Variants in SPOCK1 observed in about 807,000 individuals in gnomAD.
The protein encoded by SPOCK1 is SPARC (osteonectin), cwcv and kazal like domains proteoglycan 1.
Under a neutral mutation model 55.3 loss-of-function variants are expected in SPOCK1, and 23 were observed. The observed-to-expected ratio is 0.42, with a 90% CI of 0.30 to 0.59. The LOEUF is 0.59. Ranked by LOEUF, SPOCK1 falls within the 20% of genes least tolerant of loss-of-function variation. The pLI is 0.22. For missense variants in SPOCK1, 499 were observed against 552.5 expected (o/e 0.90, Z 0.97); for synonymous variants, 226 against 221.0 (o/e 1.02, Z -0.20).
At chr5:137,343,090 T>C (rs1174564967) in intron 2 of SPOCK1, among the ~76,000 whole-genome samples, 2 of 152,222 alleles carry the variant, frequency 1.3e-5, no homozygotes, top group Non-Finnish European at 2.9e-5. Context: ...GCAGAAGGCC[T>C]TCAATCAAGT....
chr5:137,457,255 G>A (rs1332174675), intron 2 of SPOCK1, among the ~76,000 whole-genome samples: 1 of 152,186 alleles, frequency 6.6e-6, no homozygotes, highest in Non-Finnish European at 1.5e-5. Flanking sequence ...AGACACGAAT[G>A]GGTTGGATCA....
At chr5:137,013,193 A>G (rs1751386136) in intron 6 of SPOCK1, among the ~76,000 whole-genome samples, 2 of 152,126 alleles carry the variant, frequency 1.3e-5, no homozygotes, top group African/African-American at 2.4e-5. Context: ...TTAACATTGT[A>G]TCCATCATTT....
intron 5 of SPOCK1, among the ~76,000 whole-genome samples, chr5:137,100,405 C>A (rs1753239160): frequency 6.6e-6 from 1 of 152,172 alleles, no homozygotes; most frequent in Non-Finnish European, 1.5e-5. Context: ...GGTGGCTGGA[C>A]TAGATAGCTT....
rs138328964 is a variant in SPOCK1, at chr5:137,171,628, G to GA, written c.233-30935dup. On this transcript the variant is annotated intron_variant, in intron 3 of 10. Transcript: ENST00000394945. The stretch of plus-strand genomic sequence containing the variant: ...ATTCTCAGACCCAAGTAGTTGTTGG[G>GA]AAAAAAAATTACAAATGACCAAAAG... Among the ~76,000 whole-genome samples the GA allele has an allele frequency of 5.8e-4, 88 of 151,816 alleles. No homozygotes were observed. In the East Asian group the frequency reaches 0.014, roughly 24 times the overall value.
intron 3 of SPOCK1, among the ~76,000 whole-genome samples, chr5:137,190,089 G>C (rs899672554): frequency 6.6e-6 from 1 of 151,950 alleles, no homozygotes; most frequent in African/African-American, 2.4e-5. Flanking sequence ...TATTGAGATG[G>C]AATCTACTGC....
chr5:137,245,756 A>AAAAAC (rs1329664473), intron 3 of SPOCK1, among the ~76,000 whole-genome samples: 3 of 109,768 alleles, frequency 2.7e-5, no homozygotes, highest in Non-Finnish European at 6.3e-5. Flanking sequence ...CATTTGTTAA[A>AAAAAC]AAAACAAAAC....
At chr5:137,120,019 C>T (rs918476113) in intron 4 of SPOCK1, among the ~76,000 whole-genome samples, 3 of 152,128 alleles carry the variant, frequency 2.0e-5, no homozygotes, top group Non-Finnish European at 4.4e-5. Flanking sequence ...GGAAAGCAGA[C>T]GTGGGGCAAT....
chr5:136,997,486 G>A (rs1751066823), intron 6 of SPOCK1, among the ~76,000 whole-genome samples: 3 of 152,086 alleles, frequency 2.0e-5, no homozygotes, highest in African/African-American at 4.8e-5. Context: ...TCCTGTTTGA[G>A]ACACTTCAGA....
intron 2 of SPOCK1, among the ~76,000 whole-genome samples, chr5:137,480,057 C>G (rs1434579547): frequency 6.6e-6 from 1 of 152,138 alleles, no homozygotes; most frequent in Non-Finnish European, 1.5e-5. Context: ...AACCCCAAAT[C>G]TGATGTAAGA....
intron 3 of SPOCK1, among the ~76,000 whole-genome samples, chr5:137,160,550 ATATATAT>A (rs1184916347): frequency 0.024 from 907 of 37,756 alleles, 30 homozygotes; most frequent in African/African-American, 0.099. Flanking sequence ...AATATATATA[ATATATAT>A]TATATATTAT....
intron 2 of SPOCK1, among the ~76,000 whole-genome samples, chr5:137,419,460 A>C (rs1301982316): frequency 2.0e-5 from 3 of 152,102 alleles, no homozygotes; most frequent in Admixed American, 2.0e-4. Context: ...ATTTGCTTGT[A>C]TCCTCTTTTA....
intron 3 of SPOCK1, among the ~76,000 whole-genome samples, chr5:137,199,509 G>A (rs1755371636): frequency 6.6e-6 from 1 of 152,138 alleles, no homozygotes; most frequent in African/African-American, 2.4e-5. Context: ...GAAACCTCAT[G>A]AGCTCTGAGT....
At position 137,112,554 on chromosome 5, in the gene SPOCK1, T is replaced by C; in HGVS notation, c.355A>G (p.Lys119Glu). 1 of 1,613,414 alleles carries C rather than the reference T, an allele frequency of 6.2e-7. No homozygotes were observed. The highest frequency in any genetic ancestry group is 8.5e-7 in the Non-Finnish European group (1 of 1,179,936). Residue 119 changes from lysine to glutamate, a missense_variant, in exon 5 of 11, where the codon AAG becomes GAG. Physicochemically the swap from Lys to Glu is moderately conservative, Grantham distance 56. Transcript: ENST00000394945. Reference protein sequence around the residue: ...SRKHLLPRQKKGNVAQKHWVG... With the variant: ...SRKHLLPRQKEGNVAQKHWVG... ...CAGTGTTTCTGGGCCACGTTCCCCT[T>C]CTTTTGCCTAAAGATGAGAAAAAAG...
chr5:137,464,175 C>T (rs1197059533), intron 2 of SPOCK1, among the ~76,000 whole-genome samples: 2 of 151,956 alleles, frequency 1.3e-5, no homozygotes, highest in South Asian at 2.1e-4. Flanking sequence ...ATGGTGCAGG[C>T]CCGTAGTCCC....
chr5:137,185,190 A>C (rs972899477), intron 3 of SPOCK1, among the ~76,000 whole-genome samples: 1 of 152,238 alleles, frequency 6.6e-6, no homozygotes, highest in Non-Finnish European at 1.5e-5. Flanking sequence ...AAGGTGAAAC[A>C]GAAAAGAAAC....
intron 6 of SPOCK1, among the ~76,000 whole-genome samples, chr5:137,054,468 G>T (rs1752266469): frequency 6.6e-6 from 1 of 152,222 alleles, no homozygotes; most frequent in South Asian, 2.1e-4. Flanking sequence ...GAGTCTTCCT[G>T]TACAAGACAG....
At chr5:137,327,913 A>G (rs1758106436) in intron 2 of SPOCK1, among the ~76,000 whole-genome samples, 1 of 152,244 alleles carries the variant, frequency 6.6e-6, no homozygotes, top group Non-Finnish European at 1.5e-5. Context: ...AAAAAGCCAC[A>G]GCAAGGGGAA....
intron 2 of SPOCK1, among the ~76,000 whole-genome samples, chr5:137,268,672 T>C (rs1756903733): frequency 6.6e-6 from 1 of 152,172 alleles, no homozygotes; most frequent in African/African-American, 2.4e-5. Context: ...TTTCTGCTAT[T>C]CTCAAGGGCA....
At chr5:137,134,935 G>A (rs1038632673) in intron 4 of SPOCK1, among the ~76,000 whole-genome samples, 3 of 152,276 alleles carry the variant, frequency 2.0e-5, no homozygotes, top group Non-Finnish European at 4.4e-5. Context: ...CTACTGTATC[G>A]AGAGCCTCGA....
Sources: allele counts gnomAD v4.1 joint callset (sites outside exome capture counted in the v4.1 genomes callset), GRCh38; gene constraint gnomAD v4.1.1; transcripts MANE v1.5; gene names NCBI Gene and HGNC (gene_info 2026-07-23, HGNC 2026-07-21).